CCDC127: variants seen among roughly 807,000 people sequenced by gnomAD.
CCDC127 encodes coiled-coil domain-containing protein 127.
Under a neutral mutation model 4.1 loss-of-function variants are expected in CCDC127, and 2 were observed. The ratio of observed to expected loss-of-function variants is 0.49; its 90% CI spans 0.20 to 1.53. CCDC127 has a LOEUF of 1.53. CCDC127 is among the 40% of genes most tolerant of loss of function. The pLI is 0.23. For synonymous variants in CCDC127, 98 were observed against 120.4 expected (o/e 0.81, Z 1.22); for missense variants, 271 against 322.9 (o/e 0.84, Z 1.23).
intron 2 of CCDC127, among the ~76,000 whole-genome samples, chr5:206,310 G>T (rs568437622): frequency 9.5e-5 from 14 of 147,736 alleles, no homozygotes; most frequent in Middle Eastern, 7.0e-3. Context: ...TATAAAAGTT[G>T]TATTTAGCTT....
At chr5:207,834 G>C (rs1402937493) in intron 2 of CCDC127, among the ~76,000 whole-genome samples, 1 of 152,166 alleles carries the variant, frequency 6.6e-6, no homozygotes, top group Admixed American at 6.5e-5. Context: ...GAGACAGGGA[G>C]CTGCTCCCTG....
Position 199,764 on chromosome 5 carries a change from T to C in CCDC127, c.*5533A>G, listed in dbSNP as rs1734037713. 1 of 152,294 alleles carries C rather than the reference T, an allele frequency of 6.6e-6. No individual in the cohort carries two copies. The highest frequency in any genetic ancestry group is 2.4e-5 in the African/African-American group (1 of 41,436). 9.4% of individuals were successfully genotyped at this position (152,294 alleles called of 1,614,324 possible). On this transcript the variant is annotated 3_prime_UTR_variant, in exon 3 of 3. Transcript: ENST00000296824. ...CTTCGAGAAGCTCTCCCAGCAGGGA[T>C]GGGCTCGGTCTCAGTGTCCCTGCTG...
intron 1 of CCDC127, 88 bp downstream of exon 1, chr5:218,005 C>G: frequency 1.2e-6 from 1 of 814,224 alleles, no homozygotes; most frequent in Non-Finnish European, 1.5e-6. Flanking sequence ...GCGTTCAGGC[C>G]CTTCGGTCTG....
chr5:206,315 T>C (rs1375702433), intron 2 of CCDC127, among the ~76,000 whole-genome samples: 1 of 147,402 alleles, frequency 6.8e-6, no homozygotes, highest in East Asian at 1.9e-4. Flanking sequence ...AAGTTGTATT[T>C]AGCTTTGCCC....
At chr5:208,263 G>A (rs1455354683) in intron 2 of CCDC127, among the ~76,000 whole-genome samples, 1 of 152,122 alleles carries the variant, frequency 6.6e-6, no homozygotes, top group East Asian at 1.9e-4. Context: ...TTGGGTCCTT[G>A]GGACCCCAGG....
At position 198,528 on chromosome 5, in the gene CCDC127, G is replaced by A. The variant is rs930813207; in HGVS notation, c.*6769C>T. ...GCAGGGCACACAGGAGCCCACTGGT[G>A]TCAGTGGGCGGTGCTGAGGGCACAA... On this transcript the variant is annotated 3_prime_UTR_variant, in exon 3 of 3. Coordinates refer to ENST00000296824, the MANE Select transcript of CCDC127 (RefSeq NM_145265.3). 2.0e-5 allele frequency: 3 copies of A among 152,406 alleles called. No homozygotes were observed. Among genetic ancestry groups the A allele is most frequent in the Non-Finnish European group, 4.4e-5 (3 of 68,064 alleles). 9.4% of individuals were successfully genotyped at this position (152,406 alleles called of 1,614,324 possible).
chr5:209,068 T>G (rs1289296958), intron 2 of CCDC127, among the ~76,000 whole-genome samples: 6 of 152,288 alleles, frequency 3.9e-5, no homozygotes, highest in Non-Finnish European at 7.3e-5. Flanking sequence ...GAAGAAAAAC[T>G]GGAATGACGG....
In CCDC127 at chr5:200,037, T is replaced by C. The variant is rs1325794520; in HGVS notation, c.*5260A>G. The C allele has an allele frequency of 2.6e-5, 4 of 152,218 alleles. No homozygotes were observed. In the East Asian group the frequency reaches 7.7e-4, roughly 29 times the overall value. 9.4% of individuals were successfully genotyped at this position (152,218 alleles called of 1,614,324 possible). A position where few individuals can be genotyped will look rare whatever the true frequency, so the allele number is the denominator to read the frequency against. On this transcript the variant is annotated 3_prime_UTR_variant, in exon 3 of 3. Coordinates refer to ENST00000296824, the MANE Select transcript of CCDC127 (RefSeq NM_145265.3). ...CCCCATGGGGTTGGGGCGGCCATGC[T>C]GGCACAAAGGGCTCCCGTGAATCTG... is the stretch of plus-strand genomic sequence containing the variant.
chr5:209,782 G>T (rs917521313), intron 2 of CCDC127, among the ~76,000 whole-genome samples: 1 of 152,232 alleles, frequency 6.6e-6, no homozygotes, highest in African/African-American at 2.4e-5. Flanking sequence ...GGCCACGTGG[G>T]GATTGCTCCA....
chr5:205,523 A>G lies in CCDC127; in HGVS notation c.557T>C (p.Ile186Thr). ...LFLPRSKRLE[I>T]EKSLLVRASV... ...CGCTCGCACCAGTAAGCTCTTCTCT[A>G]TCTCCAGCCGCTTGCTGCGAGGAAG... The change falls in exon 3 of 3, where the codon ATA becomes ACA. Residue 186 changes from isoleucine (I) to threonine (T), a missense_variant. Physicochemically the swap from Ile to Thr is moderately conservative, Grantham distance 89 (BLOSUM62 -1). Transcript: ENST00000296824. The G allele has an allele frequency of 1.2e-6, 2 of 1,613,998 alleles. No homozygotes were observed. Among genetic ancestry groups the G allele is most frequent in the South Asian group, 1.1e-5 (1 of 91,080 alleles).
intron 2 of CCDC127, among the ~76,000 whole-genome samples, chr5:211,301 C>T (rs2925901): frequency 9.5e-4 from 85 of 89,870 alleles, no homozygotes; most frequent in South Asian, 1.9e-3. Flanking sequence ...TGCTCGACAT[C>T]GCACACTGCA....
At chr5:206,901 A>G (rs1734187147) in intron 2 of CCDC127, among the ~76,000 whole-genome samples, 3 of 152,284 alleles carry the variant, frequency 2.0e-5, no homozygotes, top group African/African-American at 7.2e-5. Flanking sequence ...CACTGAGAGC[A>G]GCAGTCTGGG....
chr5:205,150 A>C lies in CCDC127; in HGVS notation c.*147T>G, dbSNP rs549910787. On this transcript the variant is annotated 3_prime_UTR_variant, in exon 3 of 3. Coordinates refer to ENST00000296824, the MANE Select transcript of CCDC127 (RefSeq NM_145265.3). ...CTGAGGCTTCGGTGCACTTCTGCTC[A>C]GACGGTGGCGGGAGTGGAGGTCGCT... The C allele has an allele frequency of 4.0e-4, 275 of 686,878 alleles. 1 individual carries two copies. Among genetic ancestry groups the C allele is most frequent in the Middle Eastern group, 1.1e-3 (3 of 2,732 alleles). 42.5% of individuals were successfully genotyped at this position (686,878 alleles called of 1,614,324 possible).
intron 2 of CCDC127, among the ~76,000 whole-genome samples, chr5:211,296 G>A (rs1470954973): frequency 9.8e-6 from 1 of 102,012 alleles, no homozygotes. Context: ...ACTGATGCTC[G>A]ACATCGCACA....
rs1043439286 is a variant in CCDC127, at chr5:197,685, A to C, written c.*7612T>G. On this transcript the variant is annotated 3_prime_UTR_variant, in exon 3 of 3. Transcript: ENST00000296824. ...CTACACATTAACATCATCTCAGCAA[A>C]GCAATTATTTAAAGTACAGGTCTTT... 2.6e-5 allele frequency: 4 copies of C among 154,882 alleles called. No homozygotes were observed. The highest frequency in any genetic ancestry group is 9.6e-5 in the African/African-American group (4 of 41,452). The allele number at this position is 154,882 out of a possible 1,614,324, so 9.6% of individuals were successfully genotyped here.
At chr5:213,375 T>C (rs565672600) in intron 2 of CCDC127, among the ~76,000 whole-genome samples, 722 of 25,184 alleles carry the variant, frequency 0.029, 5 homozygotes, top group African/African-American at 0.061. Context: ...ACTGCAGCCA[T>C]GACGAGACAG....
Position 210,362 on chromosome 5 carries a change from G to C in CCDC127, c.122-4404C>G, listed in dbSNP as rs554690921. Among the ~76,000 whole-genome samples the C allele has an allele frequency of 1.2e-4, 19 of 152,278 alleles. No homozygotes were observed. In the South Asian group the frequency reaches 3.5e-3, roughly 28 times the overall value. ...GAAGAGAATGAAAAGACAGGCTACAGACTGGGAGAGGATACTTGCAAGCCA... is the reference window on the plus strand; with the variant it reads ...GAAGAGAATGAAAAGACAGGCTACACACTGGGAGAGGATACTTGCAAGCCA... On this transcript the variant is annotated intron_variant, in intron 2 of 2. Transcript: ENST00000296824.
At position 205,854 on chromosome 5, in the gene CCDC127, C is replaced by A; in HGVS notation, c.226G>T (p.Ala76Ser). The change falls in exon 3 of 3, where the codon GCC (alanine) becomes TCC (serine). Residue 76 changes from alanine (A) to serine (S), a missense_variant. Ala to Ser is a moderately conservative substitution (Grantham distance 99, BLOSUM62 1). Transcript: ENST00000296824. ...FQQDLEAKYH[A>S]MISENRRAVA... ...GCACGCCGATTTTCTGAGATCATGG[C>A]GTGGTACTTGGCTTCCAGATCCTGT... The A allele has an allele frequency of 6.2e-7, 1 of 1,614,200 alleles. No homozygotes were observed. The highest frequency in any genetic ancestry group is 8.5e-7 in the Non-Finnish European group (1 of 1,180,038).
chr5:213,592 C>T (rs924867457), intron 2 of CCDC127, among the ~76,000 whole-genome samples: 6 of 150,666 alleles, frequency 4.0e-5, no homozygotes, highest in Non-Finnish European at 5.9e-5. Context: ...ATGGGGCAGA[C>T]GGGACAGCAG....
Sources: gnomAD v4.1 joint callset for allele counts (sites outside exome capture counted in the v4.1 genomes callset) on GRCh38, gnomAD v4.1.1 for gene constraint, MANE v1.5 for transcripts, NCBI Gene and HGNC (gene_info 2026-07-23, HGNC 2026-07-21) for gene names.